GRID2: variants seen among roughly 807,000 people sequenced by gnomAD.
GRID2 encodes the protein glutamate receptor ionotropic, delta-2.
Under a neutral mutation model 114.8 loss-of-function variants are expected in GRID2, and 33 were observed. The observed-to-expected ratio is 0.29, with a 90% confidence interval of 0.22 to 0.38. The LOEUF is 0.38. Among genes scored for constraint, GRID2 ranks in the 10% least tolerant of loss-of-function variants. The pLI, the probability that GRID2 is intolerant of heterozygous loss-of-function variation, is 1.00. For synonymous variants in GRID2, 505 were observed against 449.9 expected, an observed-to-expected ratio of 1.12 and a Z score of -1.55; for missense variants, 1,184 against 1,257.7, an observed-to-expected ratio of 0.94 and a Z score of 0.89.
intron 14 of GRID2, among the ~76,000 whole-genome samples, chr4:93,725,553 C>T (rs539649147): frequency 0.015 from 2,205 of 151,664 alleles, 24 homozygotes; most frequent in Non-Finnish European, 0.021. Flanking sequence ...CCTGAGGAAT[C>T]GCCACACTGA....
intron 2 of GRID2, among the ~76,000 whole-genome samples, chr4:92,737,387 A>AT (rs201058028): frequency 3.9e-5 from 6 of 151,996 alleles, no homozygotes; most frequent in Admixed American, 6.6e-5. Context: ...GCCCATTTCA[A>AT]TTTTTTTAAG....
At chr4:92,329,419 A>G (rs2110140516) in intron 1 of GRID2, among the ~76,000 whole-genome samples, 1 of 152,088 alleles carries the variant, frequency 6.6e-6, no homozygotes, top group Middle Eastern at 3.4e-3. Flanking sequence ...ATTCAATCAT[A>G]TTGATGTTTC....
At chr4:92,755,317 G>A (rs549954424) in intron 2 of GRID2, among the ~76,000 whole-genome samples, 1 of 152,162 alleles carries the variant, frequency 6.6e-6, no homozygotes, top group Admixed American at 6.5e-5. Context: ...TGGGGATACA[G>A]TGAGAAATCA....
At chr4:93,014,483 G>A (rs552980294) in intron 2 of GRID2, among the ~76,000 whole-genome samples, 87 of 152,040 alleles carry the variant, frequency 5.7e-4, no homozygotes, top group Non-Finnish European at 9.9e-4. Context: ...ATTGAGGCTG[G>A]TATATGAAGA....
chr4:93,515,311 C>A lies in GRID2; in HGVS notation c.2093C>A (p.Pro698His). Residue 698 changes from proline (P) to histidine (H), a missense_variant, in exon 13 of 16, where the codon CCT (proline) becomes CAT (histidine). Pro to His is a moderately conservative substitution (Grantham distance 77). Transcript: ENST00000282020. ...CATGTCCGCATGAAAGGACTGAATCCTTTTGAGAGGGACAGCATGTATTCC... is the reference window on the plus strand; with the variant it reads ...CATGTCCGCATGAAAGGACTGAATCATTTTGAGAGGGACAGCATGTATTCC... ...YEHVRMKGLN[P>H]FERDSMYSQM... 6.2e-7 allele frequency: 1 copy of A among 1,611,146 alleles called. No individual in the cohort carries two copies. Among genetic ancestry groups the A allele is most frequent in the Non-Finnish European group, 8.5e-7 (1 of 1,177,562 alleles).
At chr4:92,500,781 G>A (rs576024274) in intron 1 of GRID2, among the ~76,000 whole-genome samples, 1 of 152,202 alleles carries the variant, frequency 6.6e-6, no homozygotes, top group East Asian at 1.9e-4. Context: ...CTAGCCTTAG[G>A]AATATGGGTG....
At chr4:92,831,661 C>A (rs1742110916) in intron 2 of GRID2, among the ~76,000 whole-genome samples, 1 of 151,792 alleles carries the variant, frequency 6.6e-6, no homozygotes, top group African/African-American at 2.4e-5. Flanking sequence ...TGTGAACAGC[C>A]TGGACAACGT....
chr4:93,217,466 G>A (rs953757097), intron 6 of GRID2, among the ~76,000 whole-genome samples: 4 of 152,088 alleles, frequency 2.6e-5, no homozygotes, highest in Non-Finnish European at 5.9e-5. Context: ...CAGCGAAACA[G>A]AGAACACCAA....
chr4:92,915,203 A>G (rs115040816), intron 2 of GRID2, among the ~76,000 whole-genome samples: 7 of 152,284 alleles, frequency 4.6e-5, no homozygotes, highest in African/African-American at 1.2e-4. Context: ...CGCCCCCATT[A>G]TTCAGTTATC....
At chr4:93,374,575 A>C (rs1342957342) in intron 8 of GRID2, among the ~76,000 whole-genome samples, 7 of 149,204 alleles carry the variant, frequency 4.7e-5, no homozygotes, top group Non-Finnish European at 8.8e-5. Flanking sequence ...ACCGCTTTTA[A>C]ATAAGTATAT....
At chr4:93,213,813 C>T (rs1379347631) in intron 5 of GRID2, among the ~76,000 whole-genome samples, 1 of 151,740 alleles carries the variant, frequency 6.6e-6, no homozygotes, top group African/African-American at 2.4e-5. Flanking sequence ...TTTTTTCTTC[C>T]TCGGGGCTTT....
chr4:93,252,592 A>G (rs891796909), intron 8 of GRID2, among the ~76,000 whole-genome samples: 1 of 151,978 alleles, frequency 6.6e-6, no homozygotes. Context: ...AGTTTTTCCT[A>G]TTTCTCTGAA....
At chr4:93,048,678 A>G (rs561821322) in intron 2 of GRID2, among the ~76,000 whole-genome samples, 1 of 152,260 alleles carries the variant, frequency 6.6e-6, no homozygotes, top group Admixed American at 6.5e-5. Context: ...TACATAGGAT[A>G]AAGGAGATAC....
chr4:92,529,633 A>G (rs1725231596), intron 1 of GRID2, among the ~76,000 whole-genome samples: 1 of 152,132 alleles, frequency 6.6e-6, no homozygotes, highest in Non-Finnish European at 1.5e-5. Context: ...AAGTTGGCCC[A>G]CTAAGCAGGG....
At chr4:92,935,370 A>C (rs1750585142) in intron 2 of GRID2, among the ~76,000 whole-genome samples, 1 of 146,948 alleles carries the variant, frequency 6.8e-6, no homozygotes, top group Admixed American at 7.4e-5. Context: ...GCAATCATTA[A>C]AATGTCAGGA....
chr4:92,995,022 C>T (rs574002358), intron 2 of GRID2, among the ~76,000 whole-genome samples: 1 of 152,210 alleles, frequency 6.6e-6, no homozygotes, highest in Non-Finnish European at 1.5e-5. Flanking sequence ...TGTTAAACAG[C>T]CAACACACAA....
At chr4:93,006,056 A>G (rs555007506) in intron 2 of GRID2, among the ~76,000 whole-genome samples, 23 of 152,032 alleles carry the variant, frequency 1.5e-4, no homozygotes, top group Non-Finnish European at 3.1e-4. Context: ...CATTTCTTTA[A>G]AGTAGCGTCT....
chr4:93,529,428 C>T (rs1731235127), intron 13 of GRID2, among the ~76,000 whole-genome samples: 1 of 152,134 alleles, frequency 6.6e-6, no homozygotes, highest in Non-Finnish European at 1.5e-5. Flanking sequence ...GTCTTAGAGC[C>T]CACGGCAGAA....
intron 2 of GRID2, among the ~76,000 whole-genome samples, chr4:92,645,055 CAAACTT>C (rs1049009767): frequency 9.9e-5 from 15 of 151,526 alleles, no homozygotes; most frequent in African/African-American, 3.1e-4. Flanking sequence ...AATTATATCT[CAAACTT>C]AAACAAAAAT....
Sources: allele counts gnomAD v4.1 joint callset (sites outside exome capture counted in the v4.1 genomes callset), GRCh38; gene constraint gnomAD v4.1.1; transcripts MANE v1.5; gene names NCBI Gene and HGNC (gene_info 2026-07-23, HGNC 2026-07-21).